Variants in FBXL5 observed in about 807,000 individuals in gnomAD.
FBXL5 encodes the protein F-box and leucine rich repeat protein 5.
A neutral mutation model predicts 78.3 loss-of-function variants in FBXL5; 26 were observed. The observed-to-expected ratio is 0.33, with a 90% CI of 0.24 to 0.46. FBXL5 has a LOEUF of 0.46. FBXL5 is among the 20% of genes least tolerant of loss of function. The probability of loss-of-function intolerance (pLI) is 1.00; values close to 1 mark genes in which losing one functional copy is unlikely to be tolerated. For missense variants in FBXL5, 710 were observed against 829.2 expected (o/e 0.86, Z 1.77); for synonymous variants, 295 against 282.5 (o/e 1.04, Z -0.45).
chr4:15,656,230 C>G (rs1189176945), upstream of FBXL5: 25 of 456,124 alleles, frequency 5.5e-5, no homozygotes, highest in Non-Finnish European at 1.3e-5. Flanking sequence ...GTCACTAACC[C>G]AGGAAAATGT....
At chr4:15,678,411 T>C (rs1718070785) in intron 1 of FBXL5, among the ~76,000 whole-genome samples, 1 of 152,216 alleles carries the variant, frequency 6.6e-6, no homozygotes. Flanking sequence ...TGAAAACTTA[T>C]TCCCAAGTGG....
At chr4:15,666,267 T>TCA (rs1255823205) in intron 1 of FBXL5, among the ~76,000 whole-genome samples, 1 of 151,872 alleles carries the variant, frequency 6.6e-6, no homozygotes, top group Non-Finnish European at 1.5e-5. Context: ...GGTATGGTGG[T>TCA]GCATGCCTGT....
chr4:15,677,565 T>TCACTAGTCAC (rs1388821115), intron 1 of FBXL5, among the ~76,000 whole-genome samples: 1 of 152,136 alleles, frequency 6.6e-6, no homozygotes, highest in East Asian at 1.9e-4. Context: ...AATAAGTGAC[T>TCACTAGTCAC]AGTGATTAAT....
rs147349788 is a variant in FBXL5 at position 15,626,291 on chromosome 4, G to T, written c.1125-314C>A. Among the ~76,000 whole-genome samples the T allele has an allele frequency of 9.2e-5, 14 of 152,304 alleles. No homozygotes were observed. In the East Asian group the frequency reaches 2.5e-3, roughly 27 times the overall value. ...TAAGGCTGCAAACACATGAAAGAAAGAGAATAACCGACGGTTAATGAGGAA... is the reference window on the plus strand; with the variant it reads ...TAAGGCTGCAAACACATGAAAGAAATAGAATAACCGACGGTTAATGAGGAA... On this transcript the variant is annotated intron_variant, in intron 8 of 10. Transcript: ENST00000341285.
chr4:15,642,479 G>A (rs1484163791), intron 2 of FBXL5, among the ~76,000 whole-genome samples: 1 of 151,954 alleles, frequency 6.6e-6, no homozygotes. Flanking sequence ...CAAGTGATCT[G>A]CCCGCCTCAG....
At chr4:15,619,884 A>G (rs962587324) in intron 9 of FBXL5, among the ~76,000 whole-genome samples, 8 of 152,144 alleles carry the variant, frequency 5.3e-5, no homozygotes, top group Admixed American at 5.2e-4. Flanking sequence ...AAGATCTTCT[A>G]TACAGAAAAC....
Position 15,625,806 on chromosome 4 carries a change from T to C in FBXL5, c.1296A>G (p.Lys432=). Residue 432 remains lysine (K), a synonymous_variant, in exon 9 of 11, where the codon AAA becomes AAG. Transcript: ENST00000341285. ...STSKITSTAW[K]NKDITMQSTK... ...TGGACTGCATGGTAATGTCTTTATT[T>C]TTCCACGCAGTTGAAGTAATTTTGC... 6.2e-7 allele frequency: 1 copy of C among 1,614,166 alleles called. No homozygotes were observed. Among genetic ancestry groups the C allele is most frequent in the African/African-American group, 1.3e-5 (1 of 75,042 alleles).
chr4:15,664,269 A>C (rs1391085416), upstream of FBXL5, among the ~76,000 whole-genome samples: 2 of 152,048 alleles, frequency 1.3e-5, no homozygotes, highest in African/African-American at 4.8e-5. Flanking sequence ...TATGGGCCCT[A>C]CTTACCTTCT....
chr4:15,680,410 C>CTGTGG (rs1718182409), intron 1 of FBXL5, among the ~76,000 whole-genome samples: 1 of 152,166 alleles, frequency 6.6e-6, no homozygotes, highest in Non-Finnish European at 1.5e-5. Flanking sequence ...GTGGCTCACC[C>CTGTGG]CTGTAATCCC....
intron 1 of FBXL5, among the ~76,000 whole-genome samples, chr4:15,674,759 C>A (rs1717915853): frequency 6.6e-6 from 1 of 151,872 alleles, no homozygotes; most frequent in Non-Finnish European, 1.5e-5. Flanking sequence ...ACACTATTCT[C>A]CTGCCTCAGC....
At chr4:15,653,876 TC>T (rs1285598878) in intron 1 of FBXL5, among the ~76,000 whole-genome samples, 3 of 152,162 alleles carry the variant, frequency 2.0e-5, no homozygotes, top group African/African-American at 7.2e-5. Flanking sequence ...CTGGGTGAAA[TC>T]CTAATTTTAG....
rs750629737 is a variant in FBXL5 at position 15,625,946 on chromosome 4, G to A, written c.1156C>T (p.Arg386Trp). The A allele has an allele frequency of 5.0e-6, 8 of 1,598,750 alleles. No individual in the cohort carries two copies. The highest frequency in any genetic ancestry group is 6.8e-6 in the Non-Finnish European group (8 of 1,174,468). The change falls in exon 9 of 11, where the codon CGG becomes TGG. Residue 386 changes from arginine to tryptophan, a missense_variant. By Grantham distance (101) the Arg-to-Trp change is moderately radical. Transcript: ENST00000341285. ...WSWLGCCQSL[R>W]HLDLSGCEKI... ...TCACAACCAGACAGATCAAGATGCC[G>A]AAGACTCTGGCAGCAACCAAGCCAA...
chr4:15,645,281 C>T (rs111871922), intron 1 of FBXL5, among the ~76,000 whole-genome samples: 2 of 152,050 alleles, frequency 1.3e-5, no homozygotes, highest in African/African-American at 2.4e-5. Context: ...TCCTACTATA[C>T]ATAACAGAAT....
chr4:15,669,765 A>G (rs1244859099), intron 1 of FBXL5, among the ~76,000 whole-genome samples: 1 of 152,214 alleles, frequency 6.6e-6, no homozygotes, highest in African/African-American at 2.4e-5. Context: ...AAAAGCAATT[A>G]CTATTTGGCA....
chr4:15,662,035 T>C (rs1374417776), upstream of FBXL5, among the ~76,000 whole-genome samples: 2 of 152,210 alleles, frequency 1.3e-5, no homozygotes, highest in African/African-American at 4.8e-5. Context: ...GAGCAAATGA[T>C]TTCAAACCCA....
upstream of FBXL5, chr4:15,656,357 A>T (rs1382196964): frequency 6.7e-6 from 3 of 448,524 alleles, no homozygotes; most frequent in Non-Finnish European, 1.3e-5. Flanking sequence ...ACAGATAGAG[A>T]AATAGGAGAA....
intron 2 of FBXL5, 140 bp from the exon 3 acceptor site, chr4:15,641,023 A>C (rs1714815652): frequency 6.1e-6 from 3 of 487,946 alleles, no homozygotes; most frequent in Non-Finnish European, 1.1e-5. Flanking sequence ...TGTACTTTTA[A>C]CATAAAAGAT....
chr4:15,623,983 C>T (rs1045020336), intron 9 of FBXL5, among the ~76,000 whole-genome samples: 7 of 151,906 alleles, frequency 4.6e-5, no homozygotes, highest in South Asian at 4.2e-4. Context: ...CCACCGTGCC[C>T]GGCTAATTTT....
exon 1 of FBXL5, chr4:15,681,487 GC>G (rs1279770418): frequency 1.2e-5 from 2 of 164,498 alleles, no homozygotes; most frequent in Non-Finnish European, 2.9e-5. Context: ...GTCCGGACTA[GC>G]CCTGTCCGCG....
Sources: allele counts gnomAD v4.1 joint callset (sites outside exome capture counted in the v4.1 genomes callset), GRCh38; gene constraint gnomAD v4.1.1; transcripts MANE v1.5; gene names NCBI Gene and HGNC (gene_info 2026-07-23, HGNC 2026-07-21).